The following CDH9 variants were observed in gnomAD, a reference collection of about 807,000 sequenced individuals.
The protein encoded by CDH9 is cadherin-9.
A neutral mutation model predicts 70.9 loss-of-function variants in CDH9; 28 were observed. The observed-to-expected ratio is 0.40, with a 90% CI of 0.29 to 0.54. CDH9 has a LOEUF of 0.54. Ranked by LOEUF, CDH9 falls within the 20% of genes least tolerant of loss-of-function variation. CDH9 has a pLI of 0.59. For synonymous variants in CDH9, 409 were observed against 343.1 expected, an observed-to-expected ratio of 1.19 and a Z score of -2.12; for missense variants, 874 against 984.4, an observed-to-expected ratio of 0.89 and a Z score of 1.50.
intron 2 of CDH9, among the ~76,000 whole-genome samples, chr5:26,931,132 G>C (rs1741455421): frequency 6.6e-6 from 1 of 152,098 alleles, no homozygotes; most frequent in South Asian, 2.1e-4. Flanking sequence ...TTAGAAATTG[G>C]ACAGCAGAAA....
At chr5:26,929,315 C>T (rs1359174460) in intron 2 of CDH9, among the ~76,000 whole-genome samples, 1 of 151,922 alleles carries the variant, frequency 6.6e-6, no homozygotes, top group African/African-American at 2.4e-5. Context: ...ATTTAAATGG[C>T]TTTTATCCAA....
At position 26,889,898 on chromosome 5, in the gene CDH9, G is replaced by A. The variant is rs1389150972; in HGVS notation, c.1450C>T (p.His484Tyr). The change falls in exon 9 of 12, where the codon CAT (histidine) becomes TAT (tyrosine). Residue 484 changes from histidine to tyrosine, a missense_variant. His to Tyr is a moderately conservative substitution (Grantham distance 83). Coordinates refer to ENST00000231021, the MANE Select transcript of CDH9 (RefSeq NM_016279.4). ...VFIRILDIND[H>Y]APEFAMYYET... is the part of the protein sequence containing the mutation. ...TAATACATGGCAAATTCCGGAGCAT[G>A]GTCATTTATATCTAGAATTCTGATG... 2.5e-6 allele frequency: 4 copies of A among 1,603,132 alleles called. No homozygotes were observed. Among genetic ancestry groups the A allele is most frequent in the African/African-American group, 1.3e-5 (1 of 74,466 alleles).
intron 2 of CDH9, among the ~76,000 whole-genome samples, chr5:26,975,945 G>A (rs187312498): frequency 7.0e-4 from 107 of 152,276 alleles, no homozygotes; most frequent in Admixed American, 2.0e-3. Flanking sequence ...TGGAAGGCAC[G>A]ATCTTAGAGA....
At chr5:26,936,161 G>T (rs1341247286) in intron 2 of CDH9, among the ~76,000 whole-genome samples, 1 of 151,982 alleles carries the variant, frequency 6.6e-6, no homozygotes, top group Non-Finnish European at 1.5e-5. Flanking sequence ...CTGCTAGAGT[G>T]ATGGGTACAC....
At chr5:26,951,367 T>C (rs1256743863) in intron 2 of CDH9, among the ~76,000 whole-genome samples, 1 of 150,956 alleles carries the variant, frequency 6.6e-6, no homozygotes, top group Non-Finnish European at 1.5e-5. Context: ...AGAATAGATG[T>C]CCTAAAAACA....
chr5:26,923,878 A>C (rs1383839743), intron 2 of CDH9, among the ~76,000 whole-genome samples: 1 of 152,004 alleles, frequency 6.6e-6, no homozygotes, highest in African/African-American at 2.4e-5. Context: ...AAACCTACGA[A>C]AACCTACAGA....
At chr5:26,989,223 A>G (rs1248978785) in intron 1 of CDH9, among the ~76,000 whole-genome samples, 3 of 152,062 alleles carry the variant, frequency 2.0e-5, no homozygotes, top group Non-Finnish European at 4.4e-5. Context: ...TTATTCTTGG[A>G]TGAAAATCAT....
At chr5:27,023,424 A>G (rs894190684) in intron 1 of CDH9, among the ~76,000 whole-genome samples, 1 of 152,138 alleles carries the variant, frequency 6.6e-6, no homozygotes, top group African/African-American at 2.4e-5. Flanking sequence ...TGCTTAATAC[A>G]ATGCCATATT....
At chr5:26,939,849 A>G (rs1741629082) in intron 2 of CDH9, among the ~76,000 whole-genome samples, 1 of 152,132 alleles carries the variant, frequency 6.6e-6, no homozygotes, top group African/African-American at 2.4e-5. Flanking sequence ...AAGTAAAACT[A>G]ATTTGTAAAA....
chr5:26,988,142 T>C lies in CDH9; in HGVS notation c.192A>G (p.Glu64=). The C allele has an allele frequency of 6.2e-7, 1 of 1,613,144 alleles. No individual in the cohort carries two copies. ...GWMWNQFFLL[E]EYTGTDTQYV... ...ATTGTGTGTCAGTACCTGTGTACTCTTCCAATAAGAAGAACTGATTCCACA... is the reference window on the plus strand; with the variant it reads ...ATTGTGTGTCAGTACCTGTGTACTCCTCCAATAAGAAGAACTGATTCCACA... Residue 64 remains glutamate, a synonymous_variant, in exon 2 of 12, where the codon GAA becomes GAG. Transcript: ENST00000231021.
chr5:26,893,563 A>T (rs1186344747), intron 7 of CDH9, among the ~76,000 whole-genome samples: 3 of 152,212 alleles, frequency 2.0e-5, no homozygotes, highest in Non-Finnish European at 4.4e-5. Flanking sequence ...CTCATTTGAC[A>T]TATGATTGCT....
chr5:27,032,227 T>C (rs1266523847), intron 1 of CDH9, among the ~76,000 whole-genome samples: 2 of 151,556 alleles, frequency 1.3e-5, no homozygotes, highest in Non-Finnish European at 3.0e-5. Flanking sequence ...TAGAACTTCA[T>C]ATTTTAAACT....
intron 1 of CDH9, among the ~76,000 whole-genome samples, chr5:26,992,447 C>A (rs969399845): frequency 6.6e-6 from 1 of 152,130 alleles, no homozygotes; most frequent in Non-Finnish European, 1.5e-5. Flanking sequence ...CATCTATGAA[C>A]CAGGAAACTG....
intron 1 of CDH9, among the ~76,000 whole-genome samples, chr5:27,024,831 T>G (rs887407472): frequency 6.6e-6 from 1 of 152,110 alleles, no homozygotes; most frequent in African/African-American, 2.4e-5. Flanking sequence ...ATTTCTACTC[T>G]GTAGCTGAAA....
intron 2 of CDH9, among the ~76,000 whole-genome samples, chr5:26,961,091 T>G (rs1228564672): frequency 6.6e-6 from 1 of 152,074 alleles, no homozygotes; most frequent in Non-Finnish European, 1.5e-5. Flanking sequence ...CCATCATGGA[T>G]TAACATTGAT....
At chr5:26,985,178 C>T (rs1239079738) in intron 2 of CDH9, among the ~76,000 whole-genome samples, 2 of 152,092 alleles carry the variant, frequency 1.3e-5, no homozygotes, top group South Asian at 2.1e-4. Context: ...AGACCAGCCT[C>T]TTTTTTTCTT....
At chr5:26,970,822 C>T (rs74627429) in intron 2 of CDH9, among the ~76,000 whole-genome samples, 2,696 of 151,832 alleles carry the variant, frequency 0.018, 95 homozygotes, top group African/African-American at 0.061. Context: ...TATAAATAGA[C>T]GATTTTTCTT....
At chr5:26,982,159 T>C (rs1245867810) in intron 2 of CDH9, among the ~76,000 whole-genome samples, 1 of 150,814 alleles carries the variant, frequency 6.6e-6, no homozygotes, top group Non-Finnish European at 1.5e-5. Flanking sequence ...GATGAGTGTA[T>C]ATATAAAGGT....
intron 2 of CDH9, among the ~76,000 whole-genome samples, chr5:26,984,722 TA>T (rs1742460986): frequency 6.6e-6 from 1 of 152,100 alleles, no homozygotes; most frequent in Non-Finnish European, 1.5e-5. Context: ...CTCTTCAAGT[TA>T]TAGAGAAGCT....
Sources: allele counts gnomAD v4.1 joint callset (sites outside exome capture counted in the v4.1 genomes callset), GRCh38; gene constraint gnomAD v4.1.1; transcripts MANE v1.5; gene names NCBI Gene and HGNC (gene_info 2026-07-23, HGNC 2026-07-21).